Variants in PIP4K2A observed in about 807,000 individuals in gnomAD.
PIP4K2A encodes phosphatidylinositol-5-phosphate 4-kinase type 2 alpha.
A neutral mutation model predicts 42.9 loss-of-function variants in PIP4K2A; 14 were observed. The observed-to-expected ratio is 0.33, with a 90% CI of 0.22 to 0.51. PIP4K2A has a LOEUF of 0.51. PIP4K2A is among the 20% of genes least tolerant of loss of function. The probability of loss-of-function intolerance (pLI) is 0.97; values close to 1 mark genes in which losing one functional copy is unlikely to be tolerated. For synonymous variants in PIP4K2A, 192 were observed against 192.2 expected (o/e 1.00, Z 0.01); for missense variants, 434 against 519.8 (o/e 0.83, Z 1.61).
Position 22,537,156 on chromosome 10 carries a change from C to T in PIP4K2A, c.*45G>A. ...TTCATTTTTCCTACACCGAAGCCAC[C>T]TCTGTCCATCCAATGTTCATGTCTG... On this transcript the variant is annotated 3_prime_UTR_variant, in exon 10 of 10. Coordinates refer to ENST00000376573, the MANE Select transcript of PIP4K2A (RefSeq NM_005028.5). 6.8e-7 allele frequency: 1 copy of T among 1,471,650 alleles called. No homozygotes were observed. The highest frequency in any genetic ancestry group is 9.4e-7 in the Non-Finnish European group (1 of 1,065,588). The allele number at this position is 1,471,650 out of a possible 1,614,324, so 91.2% of individuals were successfully genotyped here. A position where few individuals can be genotyped will look rare whatever the true frequency, so the allele number is the denominator to read the frequency against.
intron 8 of PIP4K2A, among the ~76,000 whole-genome samples, chr10:22,541,128 C>T (rs1205902254): frequency 6.6e-6 from 1 of 152,218 alleles, no homozygotes; most frequent in Non-Finnish European, 1.5e-5. Flanking sequence ...ATTCAAATAA[C>T]TGGTGCACCC....
chr10:22,606,017 TGTGA>T (rs1837898933), intron 3 of PIP4K2A, among the ~76,000 whole-genome samples: 1 of 152,086 alleles, frequency 6.6e-6, no homozygotes, highest in Non-Finnish European at 1.5e-5. Flanking sequence ...AGTCCATAAT[TGTGA>T]TCTAAGTTCT....
chr10:22,670,539 G>A (rs1186755824), intron 1 of PIP4K2A, among the ~76,000 whole-genome samples: 4 of 151,866 alleles, frequency 2.6e-5, no homozygotes, highest in Non-Finnish European at 5.9e-5. Flanking sequence ...ATACGTACAG[G>A]GCATCAAAAT....
chr10:22,576,472 C>T (rs906508491), intron 4 of PIP4K2A, among the ~76,000 whole-genome samples: 7 of 152,130 alleles, frequency 4.6e-5, no homozygotes, highest in Non-Finnish European at 1.0e-4. Flanking sequence ...AGCCCTGAAC[C>T]AGGGAGACTG....
intron 6 of PIP4K2A, among the ~76,000 whole-genome samples, chr10:22,560,748 ATACTT>A (rs1306302300): frequency 3.9e-5 from 6 of 152,350 alleles, no homozygotes; most frequent in Non-Finnish European, 7.3e-5. Context: ...TCCATTACAC[ATACTT>A]TACTTTACCT....
intron 3 of PIP4K2A, among the ~76,000 whole-genome samples, chr10:22,593,834 G>A (rs1012382596): frequency 2.6e-5 from 4 of 152,206 alleles, no homozygotes; most frequent in African/African-American, 7.2e-5. Flanking sequence ...CTGTCAAACT[G>A]ACAATACGTG....
Position 22,677,413 on chromosome 10 carries a change from G to A in PIP4K2A, c.144+36770C>T, listed in dbSNP as rs117638609. On this transcript the variant is annotated intron_variant, in intron 1 of 9. Transcript: ENST00000376573. ...AGCGCGAGGGTCTGCTTAGTTATGA[G>A]GAGACCCCAAGAGGGAGTAGGCTGC... Among the ~76,000 whole-genome samples, 1,256 of 152,284 alleles carry A rather than the reference G, an allele frequency of 8.2e-3. 15 individuals carry two copies. Among genetic ancestry groups the A allele is most frequent in the Non-Finnish European group, 0.012 (784 of 68,032 alleles).
Position 22,664,071 on chromosome 10 carries a change from ATATACG to A in PIP4K2A, c.144+50106_144+50111del, listed in dbSNP as rs1486172898. 3.7e-3 allele frequency among the ~76,000 whole-genome samples: 316 copies of A among 86,036 alleles called. 11 individuals carry two copies. The highest frequency in any genetic ancestry group is 0.023 in the African/African-American group (287 of 12,588). The allele number at this position is 86,036 out of a possible 152,430, so 56.4% of individuals were successfully genotyped here. A position where few individuals can be genotyped will look rare whatever the true frequency, so the allele number is the denominator to read the frequency against. ...TACATATGTATATATACATATATATATATACGTATATATATATACATATATATATAT... is the reference window on the plus strand; with the variant it reads ...TACATATGTATATATACATATATATATATATATATATACATATATATATAT... On this transcript the variant is annotated intron_variant, in intron 1 of 9. Coordinates refer to ENST00000376573, the MANE Select transcript of PIP4K2A (RefSeq NM_005028.5).
chr10:22,570,293 T>C (rs1374844275), intron 5 of PIP4K2A, among the ~76,000 whole-genome samples: 1 of 152,216 alleles, frequency 6.6e-6, no homozygotes, highest in Admixed American at 6.5e-5. Flanking sequence ...CGGAGGGTCA[T>C]AGAGGTTCAG....
chr10:22,570,364 G>T (rs1836955795), intron 5 of PIP4K2A, among the ~76,000 whole-genome samples: 1 of 152,220 alleles, frequency 6.6e-6, no homozygotes. Flanking sequence ...GGTCACTCTG[G>T]CTTTCTTCCC....
chr10:22,586,022 G>C (rs984632315), intron 4 of PIP4K2A, among the ~76,000 whole-genome samples: 2 of 152,116 alleles, frequency 1.3e-5, no homozygotes, highest in African/African-American at 4.8e-5. Flanking sequence ...TAGGCAAATA[G>C]GTTTTTTACC....
intron 6 of PIP4K2A, among the ~76,000 whole-genome samples, chr10:22,556,032 A>C (rs1318102002): frequency 1.3e-5 from 2 of 152,238 alleles, no homozygotes; most frequent in Non-Finnish European, 2.9e-5. Context: ...ACGATGTTTA[A>C]AATTTCCTTT....
chr10:22,702,273 T>G (rs891817744), intron 1 of PIP4K2A, among the ~76,000 whole-genome samples: 1 of 152,206 alleles, frequency 6.6e-6, no homozygotes, highest in Non-Finnish European at 1.5e-5. Context: ...CACAAAGGAC[T>G]GAGATACTGA....
At position 22,702,458 on chromosome 10, in the gene PIP4K2A, T is replaced by C. The variant is rs180866541; in HGVS notation, c.144+11725A>G. 7.2e-3 allele frequency among the ~76,000 whole-genome samples: 1,101 copies of C among 152,362 alleles called. 6 individuals are homozygous for C. The highest frequency in any genetic ancestry group is 0.02 in the Middle Eastern group (6 of 294). ...AGATTACTTAGAAATGCATTCATAG[T>C]CTTCACGCAGTTCACTTGGCGGCCC... On this transcript the variant is annotated intron_variant, in intron 1 of 9. Transcript: ENST00000376573.
At chr10:22,573,092 C>T (rs1185487958) in intron 5 of PIP4K2A, among the ~76,000 whole-genome samples, 1 of 152,188 alleles carries the variant, frequency 6.6e-6, no homozygotes, top group Admixed American at 6.5e-5. Flanking sequence ...ATGCAGTTGG[C>T]TGAATATTTA....
At chr10:22,553,128 G>T (rs1189976769) in intron 6 of PIP4K2A, among the ~76,000 whole-genome samples, 5 of 152,140 alleles carry the variant, frequency 3.3e-5, no homozygotes, top group Non-Finnish European at 7.3e-5. Context: ...AGGCACTAGG[G>T]TCGTATTTAG....
At chr10:22,652,797 G>C (rs1320082794) in intron 1 of PIP4K2A, among the ~76,000 whole-genome samples, 1 of 152,190 alleles carries the variant, frequency 6.6e-6, no homozygotes, top group African/African-American at 2.4e-5. Context: ...AATGCTGCTT[G>C]AAACGTTTAT....
At chr10:22,588,885 A>T (rs1837453086) in intron 4 of PIP4K2A, among the ~76,000 whole-genome samples, 1 of 152,248 alleles carries the variant, frequency 6.6e-6, no homozygotes, top group Admixed American at 6.5e-5. Context: ...CACCAATAAG[A>T]TAACAATTTT....
chr10:22,655,273 C>G (rs766103821), intron 1 of PIP4K2A, among the ~76,000 whole-genome samples: 3 of 152,174 alleles, frequency 2.0e-5, no homozygotes, highest in African/African-American at 4.8e-5. Context: ...TTAAGAAAAG[C>G]TGAAGCTCTT....
Sources: gnomAD v4.1 joint callset for allele counts (sites outside exome capture counted in the v4.1 genomes callset) on GRCh38, gnomAD v4.1.1 for gene constraint, MANE v1.5 for transcripts, NCBI Gene and HGNC (gene_info 2026-07-23, HGNC 2026-07-21) for gene names.